The following ZNF407 variants were observed in gnomAD, a reference collection of about 807,000 sequenced individuals.
ZNF407 encodes the protein zinc finger protein 407.
Under a neutral mutation model 131.2 loss-of-function variants are expected in ZNF407, and 17 were observed. The ratio of observed to expected loss-of-function variants is 0.13; its 90% CI spans 0.09 to 0.19. The LOEUF (loss-of-function observed/expected upper bound fraction) is 0.19, where lower values mean the gene tolerates loss of function less well. Among genes scored for constraint, ZNF407 ranks in the 10% least tolerant of loss-of-function variants. The pLI is 1.00. For synonymous variants in ZNF407, 1,156 were observed against 1,062.0 expected, an observed-to-expected ratio of 1.09 and a Z score of -1.72; for missense variants, 2,681 against 2,830.6, an observed-to-expected ratio of 0.95 and a Z score of 1.20.
chr18:75,022,057 A>G (rs746077558), intron 8 of ZNF407, among the ~76,000 whole-genome samples: 4 of 152,264 alleles, frequency 2.6e-5, no homozygotes, highest in Non-Finnish European at 5.9e-5. Flanking sequence ...AATAGAAAAT[A>G]GAAATTTTAT....
chr18:74,889,757 T>C (rs967604763), intron 6 of ZNF407, among the ~76,000 whole-genome samples, 161 bp from the exon 7 acceptor site: 1 of 152,250 alleles, frequency 6.6e-6, no homozygotes, highest in Non-Finnish European at 1.5e-5. Context: ...TTTCTCACTC[T>C]GAGAATAAAT....
chr18:74,838,510 A>C (rs1475286895), intron 4 of ZNF407, among the ~76,000 whole-genome samples: 1 of 151,966 alleles, frequency 6.6e-6, no homozygotes, highest in African/African-American at 2.4e-5. Flanking sequence ...TCATATCTAC[A>C]TTCTAATCTA....
chr18:74,778,088 A>G (rs1969511934), intron 3 of ZNF407, among the ~76,000 whole-genome samples: 1 of 152,216 alleles, frequency 6.6e-6, no homozygotes, highest in Non-Finnish European at 1.5e-5. Context: ...TCCTCTGTTC[A>G]GATGCCTGAG....
At chr18:74,732,450 C>G (rs148075112) in intron 3 of ZNF407, among the ~76,000 whole-genome samples, 1 of 152,182 alleles carries the variant, frequency 6.6e-6, no homozygotes, top group Non-Finnish European at 1.5e-5. Flanking sequence ...AATAGGTGTT[C>G]TTTGTTGATG....
At chr18:74,782,308 T>C (rs1969618503) in intron 4 of ZNF407, among the ~76,000 whole-genome samples, 1 of 152,210 alleles carries the variant, frequency 6.6e-6, no homozygotes. Context: ...ATGCAATTTT[T>C]TCTGTTACTC....
intron 3 of ZNF407, among the ~76,000 whole-genome samples, chr18:74,679,156 G>A (rs1041573955): frequency 6.6e-6 from 1 of 152,212 alleles, no homozygotes; most frequent in South Asian, 2.1e-4. Context: ...ACTAAAAATT[G>A]TATTAGAACC....
intron 8 of ZNF407, among the ~76,000 whole-genome samples, chr18:74,935,855 G>T (rs1972033620): frequency 6.6e-6 from 1 of 152,162 alleles, no homozygotes; most frequent in Non-Finnish European, 1.5e-5. Context: ...TTTAGAAGAG[G>T]CTGAATAATA....
rs141374213 is a variant in ZNF407 at position 74,669,152 on chromosome 18, G to A, written c.4802+28030G>A. 7.0e-3 allele frequency among the ~76,000 whole-genome samples: 1,073 copies of A among 152,222 alleles called. 30 individuals carry two copies. The highest frequency in any genetic ancestry group is 0.051 in the Admixed American group (786 of 15,300). On this transcript the variant is annotated intron_variant, in intron 3 of 8. Transcript: ENST00000299687. ...GTTCTCACTGACCTCTAAGCTCCAGGAAGGCAGATCTCACCTCTAAGCCTT... is the reference window on the plus strand; with the variant it reads ...GTTCTCACTGACCTCTAAGCTCCAGAAAGGCAGATCTCACCTCTAAGCCTT...
rs73973927 is a variant in ZNF407, at chr18:74,627,542, G to C, written c.-53-3425G>C. Among the ~76,000 whole-genome samples, 860 of 152,108 alleles carry C rather than the reference G, an allele frequency of 5.7e-3. 6 individuals carry two copies. Among genetic ancestry groups the C allele is most frequent in the African/African-American group, 0.02 (820 of 41,488 alleles). On this transcript the variant is annotated intron_variant, in intron 1 of 8. Transcript: ENST00000299687. ...GATAGGGTTTCACCATGTTGCCCAG[G>C]CTGGTCTCCAACTCCCAGGCTCAAG...
intron 4 of ZNF407, among the ~76,000 whole-genome samples, chr18:74,850,378 A>G (rs960643177): frequency 2.6e-5 from 4 of 152,170 alleles, no homozygotes; most frequent in Admixed American, 6.5e-5. Flanking sequence ...GCTTTAGTAT[A>G]TAGCTCTTAA....
At chr18:74,817,573 C>T (rs995201663) in intron 4 of ZNF407, among the ~76,000 whole-genome samples, 5 of 152,058 alleles carry the variant, frequency 3.3e-5, no homozygotes, top group Non-Finnish European at 7.4e-5. Context: ...GAAAATTGTG[C>T]ATTTCTTTAC....
chr18:74,822,348 G>T (rs1445463536), intron 4 of ZNF407, among the ~76,000 whole-genome samples: 1 of 152,182 alleles, frequency 6.6e-6, no homozygotes, highest in East Asian at 1.9e-4. Context: ...CCATGCCTAT[G>T]TCCTGAATGG....
At chr18:74,602,219 G>T (rs7505114) in intron 1 of ZNF407, among the ~76,000 whole-genome samples, 18,675 of 152,172 alleles carry the variant, frequency 0.12, 1,373 homozygotes, top group Non-Finnish European at 0.17. Flanking sequence ...GGAGTGTAAA[G>T]GAATTACAGC....
At chr18:74,691,484 G>C (rs1225464733) in intron 3 of ZNF407, among the ~76,000 whole-genome samples, 4 of 149,658 alleles carry the variant, frequency 2.7e-5, no homozygotes. Context: ...AAATTTTATT[G>C]ATCTTTTCAA....
intron 6 of ZNF407, among the ~76,000 whole-genome samples, chr18:74,881,679 A>G (rs554880088): frequency 1.3e-5 from 2 of 152,338 alleles, no homozygotes; most frequent in East Asian, 3.9e-4. Flanking sequence ...GGTATTAAAA[A>G]TAGAAAACAT....
At chr18:74,852,946 A>T (rs1305884535) in intron 4 of ZNF407, among the ~76,000 whole-genome samples, 1 of 152,192 alleles carries the variant, frequency 6.6e-6, no homozygotes, top group Non-Finnish European at 1.5e-5. Flanking sequence ...TTTCATAGTC[A>T]ACTGGTTCTT....
intron 8 of ZNF407, among the ~76,000 whole-genome samples, chr18:75,042,231 G>A (rs1412512967): frequency 6.6e-6 from 1 of 152,046 alleles, no homozygotes; most frequent in Non-Finnish European, 1.5e-5. Flanking sequence ...AACAGTAAAA[G>A]TAAAATGTAG....
intron 3 of ZNF407, among the ~76,000 whole-genome samples, chr18:74,650,316 T>A (rs1477125728): frequency 1.3e-5 from 2 of 152,188 alleles, no homozygotes; most frequent in Non-Finnish European, 2.9e-5. Flanking sequence ...CGTTTACAAT[T>A]GTTGGTGCTT....
chr18:74,978,561 G>A (rs969295780), intron 8 of ZNF407, among the ~76,000 whole-genome samples: 8 of 151,890 alleles, frequency 5.3e-5, no homozygotes, highest in African/African-American at 9.7e-5. Flanking sequence ...TGAGGAAGAC[G>A]GGTTGCAGAT....
Sources: allele counts gnomAD v4.1 joint callset (sites outside exome capture counted in the v4.1 genomes callset), GRCh38; gene constraint gnomAD v4.1.1; transcripts MANE v1.5; gene names NCBI Gene and HGNC (gene_info 2026-07-23, HGNC 2026-07-21).